The following UPP2 variants were observed in gnomAD, a reference collection of about 807,000 sequenced individuals.
UPP2 encodes uridine phosphorylase 2, also known as UPase 2.
Under a neutral mutation model 26.7 loss-of-function variants are expected in UPP2, and 23 were observed. That is an observed-to-expected ratio of 0.86 (90% CI 0.62 to 1.22). The LOEUF (loss-of-function observed/expected upper bound fraction) is 1.22, where lower values mean the gene tolerates loss of function less well. Among genes scored for constraint, UPP2 ranks in the 50% most tolerant of loss-of-function variants. The pLI, the probability that UPP2 is intolerant of heterozygous loss-of-function variation, is 0.00. For synonymous variants in UPP2, 127 were observed against 141.3 expected (o/e 0.90, Z 0.72); for missense variants, 387 against 396.7 (o/e 0.98, Z 0.21).
chr2:158,064,830 TTTA>T (rs764741608), intron 3 of UPP2, among the ~76,000 whole-genome samples: 12 of 152,308 alleles, frequency 7.9e-5, no homozygotes, highest in Admixed American at 1.3e-4. Flanking sequence ...CCCAACACCA[TTTA>T]TTAAATAGGA....
chr2:158,023,662 T>C (rs1345233049), intron 3 of UPP2, among the ~76,000 whole-genome samples: 1 of 150,840 alleles, frequency 6.6e-6, no homozygotes, highest in East Asian at 2.0e-4. Flanking sequence ...ACGGTGGGAG[T>C]TGGGTGGGGG....
At chr2:158,053,863 G>C (rs1574265201) in intron 3 of UPP2, among the ~76,000 whole-genome samples, 1 of 152,254 alleles carries the variant, frequency 6.6e-6, no homozygotes, top group East Asian at 1.9e-4. Flanking sequence ...AAAGTAAATA[G>C]TGAAAAAGCT....
intron 3 of UPP2, among the ~76,000 whole-genome samples, chr2:158,087,507 G>A (rs1682835876): frequency 6.6e-6 from 1 of 152,044 alleles, no homozygotes; most frequent in African/African-American, 2.4e-5. Context: ...TGAGATGTGA[G>A]GTACTATTCT....
In UPP2 at chr2:158,135,111, T is replaced by A; in HGVS notation, c.*221T>A. On this transcript the variant is annotated 3_prime_UTR_variant, in exon 7 of 7. Coordinates refer to ENST00000005756, the MANE Select transcript of UPP2 (RefSeq NM_173355.4). ...TTTTAGAATAAGTTAACTAAATCAG[T>A]CTAATAATTAAAATTTTAAAACTCC... 2.1e-6 allele frequency: 1 copy of A among 477,904 alleles called. No homozygotes were observed. The highest frequency in any genetic ancestry group is 3.3e-6 in the Non-Finnish European group (1 of 300,246). The allele number at this position is 477,904 out of a possible 1,614,324, so 29.6% of individuals were successfully genotyped here.
chr2:157,997,362 G>T (rs1266796307), intron 2 of UPP2, among the ~76,000 whole-genome samples: 1 of 151,926 alleles, frequency 6.6e-6, no homozygotes. Flanking sequence ...ATCTGTAAAG[G>T]TCTTCACATT....
At chr2:158,045,121 T>G (rs1329340) in intron 3 of UPP2, among the ~76,000 whole-genome samples, 95,300 of 151,654 alleles carry the variant, frequency 0.63, 30,859 homozygotes, top group East Asian at 0.82. Context: ...CCCTTGTCCC[T>G]TGAGAAAATA....
At chr2:158,106,510 A>G (rs971521280) in intron 2 of UPP2, among the ~76,000 whole-genome samples, 1 of 152,206 alleles carries the variant, frequency 6.6e-6, no homozygotes, top group Non-Finnish European at 1.5e-5. Flanking sequence ...AGAATTCATT[A>G]TGTTTTAACA....
intron 3 of UPP2, among the ~76,000 whole-genome samples, chr2:158,032,642 G>A (rs1367017695): frequency 6.6e-6 from 1 of 152,046 alleles, no homozygotes; most frequent in East Asian, 1.9e-4. Context: ...TGCATTTGGG[G>A]CTACGGGGAG....
intron 6 of UPP2, among the ~76,000 whole-genome samples, chr2:158,129,053 C>T (rs1285765134): frequency 2.0e-5 from 3 of 152,020 alleles, no homozygotes; most frequent in Admixed American, 2.0e-4. Flanking sequence ...AGGTCAGTGT[C>T]TATAGTTTTG....
In UPP2 at chr2:158,007,665, T is replaced by C. The variant is rs78568153; in HGVS notation, c.62-8136T>C. The stretch of plus-strand genomic sequence containing the variant: ...TTTTTTAAGACGGAGTCTTGCTCTG[T>C]CGCTCAGACTGGAGTGCAGTGGAGT... On this transcript the variant is annotated intron_variant, in intron 2 of 9. Transcript: ENST00000605860. Among the ~76,000 whole-genome samples, 741 of 151,428 alleles carry C rather than the reference T, an allele frequency of 4.9e-3. 10 individuals are homozygous for C. In the East Asian group the frequency reaches 0.073, roughly 15 times the overall value.
At chr2:158,044,411 G>C (rs1367017209) in intron 3 of UPP2, among the ~76,000 whole-genome samples, 2 of 151,922 alleles carry the variant, frequency 1.3e-5, no homozygotes, top group East Asian at 3.9e-4. Flanking sequence ...TCTCGGGGCA[G>C]GAGAGGATGT....
intron 2 of UPP2, among the ~76,000 whole-genome samples, chr2:157,997,322 AG>A (rs1198413266): frequency 2.6e-5 from 4 of 152,068 alleles, no homozygotes; most frequent in African/African-American, 9.7e-5. Context: ...CTTTATTATA[AG>A]TTTACCATTT....
Position 158,072,798 on chromosome 2 carries a change from C to T in UPP2, c.148-29242C>T, listed in dbSNP as rs1237486222. Among the ~76,000 whole-genome samples the T allele has an allele frequency of 5.3e-5, 8 of 152,206 alleles. 1 individual carries two copies. Among genetic ancestry groups the T allele is most frequent in the Admixed American group, 5.2e-4 (8 of 15,280 alleles). On this transcript the variant is annotated intron_variant, in intron 3 of 9. Transcript: ENST00000605860. Reference sequence around the variant, plus strand: ...TAACTCAATGAGTCTATAAGAACCACAGCATTATTGATCATGGGACACAAG... The same window carrying T: ...TAACTCAATGAGTCTATAAGAACCATAGCATTATTGATCATGGGACACAAG...
At chr2:158,027,372 C>A (rs552898751) in intron 3 of UPP2, among the ~76,000 whole-genome samples, 3 of 152,058 alleles carry the variant, frequency 2.0e-5, no homozygotes, top group Non-Finnish European at 2.9e-5. Flanking sequence ...CATGCAAGTC[C>A]GAAATCCAGC....
intron 3 of UPP2, among the ~76,000 whole-genome samples, chr2:158,028,284 G>C (rs13019867): frequency 2.6e-5 from 4 of 152,262 alleles, no homozygotes; most frequent in Non-Finnish European, 5.9e-5. Context: ...TTGCTGCTTA[G>C]AAGTTTCTTC....
chr2:158,095,310 A>G (rs545442786), intron 3 of UPP2, among the ~76,000 whole-genome samples: 4 of 152,318 alleles, frequency 2.6e-5, no homozygotes, highest in Admixed American at 2.6e-4. Flanking sequence ...CATTCAAAGA[A>G]CACACAGCTG....
chr2:158,067,383 AAAG>A (rs2105183782), intron 3 of UPP2, among the ~76,000 whole-genome samples: 2 of 151,942 alleles, frequency 1.3e-5, no homozygotes, highest in South Asian at 2.1e-4. Context: ...AAAAAAAAAA[AAAG>A]AGAGAGAGAG....
At chr2:158,075,437 G>T (rs550722737) in intron 3 of UPP2, among the ~76,000 whole-genome samples, 1 of 151,772 alleles carries the variant, frequency 6.6e-6, no homozygotes, top group Non-Finnish European at 1.5e-5. Context: ...CATATGTTAG[G>T]TCACAAAATA....
intron 2 of UPP2, among the ~76,000 whole-genome samples, chr2:158,110,462 A>G (rs58011281): frequency 0.049 from 7,400 of 152,264 alleles, 584 homozygotes; most frequent in African/African-American, 0.17. Flanking sequence ...ATACATGTAC[A>G]TGTGTCTTTA....
Sources: allele counts gnomAD v4.1 joint callset (sites outside exome capture counted in the v4.1 genomes callset), GRCh38; gene constraint gnomAD v4.1.1; transcripts MANE v1.5; gene names NCBI Gene and HGNC (gene_info 2026-07-23, HGNC 2026-07-21).